NKAIN2: variants seen among roughly 807,000 people sequenced by gnomAD.
NKAIN2 encodes sodium/potassium-transporting ATPase subunit beta-1-interacting protein 2.
Under a neutral mutation model 32.6 loss-of-function variants are expected in NKAIN2, and 14 were observed. The observed-to-expected ratio is 0.43, with a 90% CI of 0.28 to 0.67. The LOEUF (loss-of-function observed/expected upper bound fraction) is 0.67. NKAIN2 is among the 30% of genes least tolerant of loss of function. The pLI is 0.17. For synonymous variants in NKAIN2, 80 were observed against 87.2 expected (o/e 0.92, Z 0.46); for missense variants, 198 against 258.3 (o/e 0.77, Z 1.60).
chr6:124,621,641 G>A (rs530922478), intron 3 of NKAIN2, among the ~76,000 whole-genome samples: 1 of 152,276 alleles, frequency 6.6e-6, no homozygotes, highest in South Asian at 2.1e-4. Flanking sequence ...GCTGTCATTT[G>A]TCCCCAGGCC....
chr6:124,199,925 A>G (rs1251564597), intron 1 of NKAIN2, among the ~76,000 whole-genome samples: 1 of 152,164 alleles, frequency 6.6e-6, no homozygotes, highest in Non-Finnish European at 1.5e-5. Context: ...ATAGTGTTGA[A>G]CTAATGACCT....
chr6:123,838,971 C>A (rs1223569474), intron 1 of NKAIN2, among the ~76,000 whole-genome samples: 1 of 152,188 alleles, frequency 6.6e-6, no homozygotes, highest in Admixed American at 6.5e-5. Context: ...ATTTAACCTG[C>A]AGAATTGCTA....
intron 4 of NKAIN2, among the ~76,000 whole-genome samples, chr6:124,731,279 T>G (rs909348283): frequency 9.4e-5 from 14 of 148,930 alleles, no homozygotes; most frequent in Non-Finnish European, 1.9e-4. Flanking sequence ...TATTGCGGCA[T>G]TATTCACAAT....
intron 1 of NKAIN2, among the ~76,000 whole-genome samples, chr6:124,140,068 A>T (rs1403831666): frequency 6.6e-6 from 1 of 152,204 alleles, no homozygotes. Context: ...TGCAAACTTC[A>T]TAAGGAAACT....
intron 3 of NKAIN2, among the ~76,000 whole-genome samples, chr6:124,493,284 G>A (rs889078442): frequency 2.0e-5 from 3 of 151,964 alleles, no homozygotes; most frequent in Non-Finnish European, 2.9e-5. Flanking sequence ...TGAGTTCAAT[G>A]TCAGTGAAAT....
At chr6:124,280,132 C>T (rs945706259) in intron 1 of NKAIN2, among the ~76,000 whole-genome samples, 2 of 152,066 alleles carry the variant, frequency 1.3e-5, no homozygotes, top group Admixed American at 1.3e-4. Context: ...CAAATACATA[C>T]ATTTCTATGT....
intron 4 of NKAIN2, among the ~76,000 whole-genome samples, chr6:124,740,995 A>G (rs949939513): frequency 1.3e-5 from 2 of 151,902 alleles, no homozygotes; most frequent in African/African-American, 4.8e-5. Context: ...GGCAAAGCAG[A>G]AAAAACAGAA....
At chr6:123,935,100 C>G (rs1445795558) in intron 1 of NKAIN2, among the ~76,000 whole-genome samples, 2 of 143,926 alleles carry the variant, frequency 1.4e-5, no homozygotes, top group African/African-American at 5.1e-5. Flanking sequence ...ATAGATATTT[C>G]ATATATATAT....
chr6:124,648,901 G>A (rs1784271421), intron 3 of NKAIN2, among the ~76,000 whole-genome samples: 1 of 152,120 alleles, frequency 6.6e-6, no homozygotes, highest in Non-Finnish European at 1.5e-5. Context: ...CATGGGTCAA[G>A]AATAAATCTC....
At chr6:124,188,384 G>T (rs1488742431) in intron 1 of NKAIN2, among the ~76,000 whole-genome samples, 1 of 152,220 alleles carries the variant, frequency 6.6e-6, no homozygotes, top group Non-Finnish European at 1.5e-5. Flanking sequence ...ATTTCTTAAA[G>T]AGGTGTCAGC....
chr6:124,618,036 A>G lies in NKAIN2; in HGVS notation c.274-40150A>G, dbSNP rs1782970795. 2.0e-5 allele frequency among the ~76,000 whole-genome samples: 3 copies of G among 152,342 alleles called. No individual in the cohort carries two copies. The South Asian group carries it at 6.2e-4, about 32-fold the overall frequency. The stretch of plus-strand genomic sequence containing the variant: ...TACAAAAGCGATATTTTATTCAAAA[A>G]TAAACGCTCTGTTTAATACAATGCA... On this transcript the variant is annotated intron_variant, in intron 3 of 6. Transcript: ENST00000368417.
intron 1 of NKAIN2, among the ~76,000 whole-genome samples, chr6:123,835,676 TATTTAATGGA>T (rs1392589931): frequency 6.6e-6 from 1 of 152,192 alleles, no homozygotes; most frequent in Non-Finnish European, 1.5e-5. Context: ...TTTCAGCTTG[TATTTAATGGA>T]ATGTATGCAC....
chr6:123,970,013 T>A (rs908533577), intron 1 of NKAIN2, among the ~76,000 whole-genome samples: 5 of 152,090 alleles, frequency 3.3e-5, no homozygotes, highest in Admixed American at 1.3e-4. Context: ...GATGTATGTA[T>A]CAAATACATA....
chr6:124,083,050 G>C (rs1054302098), intron 1 of NKAIN2, among the ~76,000 whole-genome samples: 2 of 151,710 alleles, frequency 1.3e-5, no homozygotes, highest in Non-Finnish European at 2.9e-5. Flanking sequence ...TTTTTATTTT[G>C]ATTTCTTGTA....
At position 124,591,802 on chromosome 6, in the gene NKAIN2, C is replaced by A. The variant is rs530732022; in HGVS notation, c.274-66384C>A. Among the ~76,000 whole-genome samples, 5 of 151,954 alleles carry A rather than the reference C, an allele frequency of 3.3e-5. No homozygotes were observed. In the South Asian group the frequency reaches 1.0e-3, roughly 32 times the overall value. On this transcript the variant is annotated intron_variant, in intron 3 of 6. Transcript: ENST00000368417. ...AGCTTTGAGATTTAAAAAAAGGAAA[C>A]GTGGTTATAGTGTCCTCTTGGAGCT... is the stretch of plus-strand genomic sequence containing the variant.
chr6:124,313,081 C>T (rs1796791131), intron 2 of NKAIN2, among the ~76,000 whole-genome samples: 1 of 152,106 alleles, frequency 6.6e-6, no homozygotes, highest in Non-Finnish European at 1.5e-5. Context: ...ACCATTTATA[C>T]ATATAATATC....
At chr6:124,036,382 C>T (rs1045588476) in intron 1 of NKAIN2, among the ~76,000 whole-genome samples, 2 of 152,080 alleles carry the variant, frequency 1.3e-5, no homozygotes, top group Non-Finnish European at 2.9e-5. Context: ...GCTGAAATTT[C>T]AGGGAGACTG....
intron 1 of NKAIN2, among the ~76,000 whole-genome samples, chr6:124,258,439 A>G (rs1794058738): frequency 6.6e-6 from 1 of 152,234 alleles, no homozygotes; most frequent in Non-Finnish European, 1.5e-5. Context: ...AGATCTTGTA[A>G]AAAGATTTAT....
At chr6:123,941,560 C>T (rs1776826825) in intron 1 of NKAIN2, among the ~76,000 whole-genome samples, 1 of 151,660 alleles carries the variant, frequency 6.6e-6, no homozygotes, top group Admixed American at 6.6e-5. Context: ...ATATATAAGT[C>T]GTTGACTTAA....
Sources: gnomAD v4.1 joint callset for allele counts (sites outside exome capture counted in the v4.1 genomes callset) on GRCh38, gnomAD v4.1.1 for gene constraint, MANE v1.5 for transcripts, NCBI Gene and HGNC (gene_info 2026-07-23, HGNC 2026-07-21) for gene names.